FGF12: variants seen among roughly 807,000 people sequenced by gnomAD.
The protein encoded by FGF12 is fibroblast growth factor 12B.
Under a neutral mutation model 23.6 loss-of-function variants are expected in FGF12, and 14 were observed. The observed-to-expected ratio is 0.59, with a 90% CI of 0.39 to 0.93. The LOEUF (loss-of-function observed/expected upper bound fraction) is 0.93, where lower values mean the gene tolerates loss of function less well. Ranked by LOEUF, FGF12 falls within the 40% of genes least tolerant of loss-of-function variation. The pLI is 0.00. For synonymous variants in FGF12, 62 were observed against 77.3 expected (o/e 0.80, Z 1.04); for missense variants, 175 against 217.8 (o/e 0.80, Z 1.24).
chr3:192,168,049 G>A (rs1397310396), intron 5 of FGF12, among the ~76,000 whole-genome samples: 2 of 151,766 alleles, frequency 1.3e-5, no homozygotes, highest in Non-Finnish European at 2.9e-5. Flanking sequence ...ACAGGCGTGA[G>A]CCACCAAGCC....
chr3:192,615,735 G>A (rs549918493), intron 2 of FGF12, among the ~76,000 whole-genome samples: 81 of 152,056 alleles, frequency 5.3e-4, no homozygotes, highest in African/African-American at 1.8e-3. Context: ...AGAAGATAAT[G>A]GTAAAATAAA....
rs74483429 is a variant in FGF12 at position 192,318,836 on chromosome 3, G to A, written c.228+16525C>T. On this transcript the variant is annotated intron_variant, in intron 4 of 5. Transcript: ENST00000445105. ...AGCTAAAGAAAGGATCGTAAAAGCA[G>A]GAAGAGGAAAAAAGAAATACAAAAA... 1.1e-3 allele frequency among the ~76,000 whole-genome samples: 164 copies of A among 152,068 alleles called. 1 individual carries two copies. Among genetic ancestry groups the A allele is most frequent in the African/African-American group, 3.8e-3 (157 of 41,494 alleles).
chr3:192,679,146 C>T lies in FGF12; in HGVS notation c.13+48035G>A, dbSNP rs148996480. Among the ~76,000 whole-genome samples the T allele has an allele frequency of 3.3e-3, 507 of 152,168 alleles. 5 individuals are homozygous for T. Among genetic ancestry groups the T allele is most frequent in the Admixed American group, 0.019 (290 of 15,274 alleles). Reference sequence around the variant, plus strand: ...AGCTCCTTGGTGGAGTAAGGGTATGCAGCAAATAGAGGAGGCACGGAAGGT... The same window carrying T: ...AGCTCCTTGGTGGAGTAAGGGTATGTAGCAAATAGAGGAGGCACGGAAGGT... On this transcript the variant is annotated intron_variant, in intron 2 of 5. Transcript: ENST00000445105.
intron 2 of FGF12, among the ~76,000 whole-genome samples, chr3:192,692,194 G>A (rs555526770): frequency 4.5e-4 from 68 of 152,110 alleles, no homozygotes; most frequent in South Asian, 3.7e-3. Context: ...TATGAAGGCC[G>A]GAAAAATATA....
At chr3:192,356,337 A>T (rs765462275) in intron 3 of FGF12, among the ~76,000 whole-genome samples, 1 of 152,336 alleles carries the variant, frequency 6.6e-6, no homozygotes. Flanking sequence ...TTTATTGTTC[A>T]GAGGTAAAGA....
At chr3:192,690,113 G>A (rs1490520789) in intron 2 of FGF12, among the ~76,000 whole-genome samples, 2 of 152,124 alleles carry the variant, frequency 1.3e-5, no homozygotes, top group Admixed American at 1.3e-4. Flanking sequence ...AAAGCTGAGG[G>A]AGTTCATCAC....
At chr3:192,449,213 T>C (rs1242590489) in intron 2 of FGF12, among the ~76,000 whole-genome samples, 1 of 152,178 alleles carries the variant, frequency 6.6e-6, no homozygotes. Flanking sequence ...GCAAACACAA[T>C]ATTAAGCTTT....
Position 192,167,765 on chromosome 3 carries a change from A to T in FGF12, c.427+2693T>A, listed in dbSNP as rs1463217811. Among the ~76,000 whole-genome samples, 58 of 32,370 alleles carry T rather than the reference A, an allele frequency of 1.8e-3. 3 individuals carry two copies. The highest frequency in any genetic ancestry group is 6.2e-3 in the African/African-American group (51 of 8,288). The allele number at this position is 32,370 out of a possible 152,430, so 21.2% of individuals were successfully genotyped here. ...TATATATATATATATATATATATAT[A>T]TATAAAATTTTTTTTTTTTTTTTTT... On this transcript the variant is annotated intron_variant, in intron 5 of 5. Coordinates refer to ENST00000445105, the MANE Select transcript of FGF12 (RefSeq NM_004113.6).
intron 2 of FGF12, among the ~76,000 whole-genome samples, chr3:192,456,364 GCCCAAAGC>G (rs1722681732): frequency 1.3e-5 from 2 of 152,148 alleles, no homozygotes; most frequent in East Asian, 3.9e-4. Flanking sequence ...AGATATCTTA[GCCCAAAGC>G]CTGCTGTCAA....
At chr3:192,399,921 C>T in intron 2 of FGF12, among the ~76,000 whole-genome samples, 1 of 152,202 alleles carries the variant, frequency 6.6e-6, no homozygotes, top group East Asian at 1.9e-4. Flanking sequence ...TCATCCCTCC[C>T]TATGTTCAGG....
chr3:192,366,318 C>T (rs1230235860), intron 2 of FGF12, among the ~76,000 whole-genome samples: 14 of 152,064 alleles, frequency 9.2e-5, no homozygotes, highest in African/African-American at 3.4e-4. Flanking sequence ...CTTCTAGGGC[C>T]AGCGTATTCA....
At chr3:192,493,830 A>C (rs1385080462) in intron 2 of FGF12, among the ~76,000 whole-genome samples, 1 of 152,138 alleles carries the variant, frequency 6.6e-6, no homozygotes, top group Non-Finnish European at 1.5e-5. Flanking sequence ...CCCGTGATCC[A>C]ATCACCTCCC....
intron 2 of FGF12, among the ~76,000 whole-genome samples, chr3:192,455,292 GACTCTGTC>G (rs1465459282): frequency 2.0e-5 from 3 of 152,148 alleles, no homozygotes; most frequent in African/African-American, 4.8e-5. Context: ...GGTTTCTGAT[GACTCTGTC>G]ACTCTAGTTC....
At chr3:192,520,400 G>T (rs1353892770) in intron 2 of FGF12, among the ~76,000 whole-genome samples, 1 of 151,948 alleles carries the variant, frequency 6.6e-6, no homozygotes, top group Non-Finnish European at 1.5e-5. Context: ...TACACTTAAG[G>T]TAGTTAGAGA....
intron 2 of FGF12, among the ~76,000 whole-genome samples, chr3:192,466,952 A>T (rs184527002): frequency 1.5e-3 from 232 of 152,340 alleles, no homozygotes; most frequent in Admixed American, 2.4e-3. Flanking sequence ...ATATCGCCAC[A>T]TATTTTTAGC....
intron 2 of FGF12, among the ~76,000 whole-genome samples, chr3:192,366,227 A>G (rs1718978862): frequency 6.6e-6 from 1 of 152,156 alleles, no homozygotes; most frequent in African/African-American, 2.4e-5. Flanking sequence ...TGAATCAGTT[A>G]TTAAAGTACG....
chr3:192,346,997 A>G (rs1010306103), intron 3 of FGF12, among the ~76,000 whole-genome samples: 2 of 151,986 alleles, frequency 1.3e-5, no homozygotes, highest in Non-Finnish European at 2.9e-5. Context: ...AAAAAAACCA[A>G]CTCTCCAGAG....
At chr3:192,411,264 G>A (rs9862872) in intron 2 of FGF12, among the ~76,000 whole-genome samples, 5,126 of 152,234 alleles carry the variant, frequency 0.034, 265 homozygotes, top group African/African-American at 0.12. Flanking sequence ...TACCATGCCC[G>A]GGGGCCTGGA....
chr3:192,404,672 T>C (rs1034543570), intron 2 of FGF12, among the ~76,000 whole-genome samples: 2 of 152,110 alleles, frequency 1.3e-5, no homozygotes, highest in African/African-American at 4.8e-5. Flanking sequence ...CAAACAGAAA[T>C]GTTCTAAAGG....
Sources: gnomAD v4.1 joint callset for allele counts (sites outside exome capture counted in the v4.1 genomes callset) on GRCh38, gnomAD v4.1.1 for gene constraint, MANE v1.5 for transcripts, NCBI Gene and HGNC (gene_info 2026-07-23, HGNC 2026-07-21) for gene names.